Variants in MAPK8IP3 observed in about 807,000 individuals in gnomAD.
MAPK8IP3 encodes the protein mitogen-activated protein kinase 8 interacting protein 3.
Under a neutral mutation model 157.8 loss-of-function variants are expected in MAPK8IP3, and 49 were observed. That is an observed-to-expected ratio of 0.31 (90% CI 0.25 to 0.39). The LOEUF is 0.39. Ranked by LOEUF, MAPK8IP3 falls within the 10% of genes least tolerant of loss-of-function variation. The pLI, the probability that MAPK8IP3 is intolerant of heterozygous loss-of-function variation, is 1.00. For synonymous variants in MAPK8IP3, 897 were observed against 777.7 expected (o/e 1.15, Z -2.55); for missense variants, 1,478 against 1,889.4 (o/e 0.78, Z 4.04).
At position 1,748,289 on chromosome 16, in the gene MAPK8IP3, A is replaced by G; in HGVS notation, c.1040A>G (p.Asp347Gly). 6.2e-7 allele frequency: 1 copy of G among 1,613,604 alleles called. No homozygotes were observed. The highest frequency in any genetic ancestry group is 8.5e-7 in the Non-Finnish European group (1 of 1,179,906). Reference sequence around the variant, plus strand: ...TGGTCTGATGTTCAAGACATTATTGACTCCACGCCAGAGCTGGACATGTGT... The same window carrying G: ...TGGTCTGATGTTCAAGACATTATTGGCTCCACGCCAGAGCTGGACATGTGT... ...DEWSDVQDII[D>G]STPELDMCPE... The change falls in exon 7 of 32, where the codon GAC becomes GGC. Residue 347 changes from aspartate to glycine, a missense_variant. Coordinates refer to ENST00000610761, the MANE Select transcript of MAPK8IP3 (RefSeq NM_001318852.2).
Position 1,747,400 on chromosome 16 carries a change from GA to G in MAPK8IP3, c.994+126del, listed in dbSNP as rs2041030778. The G allele has an allele frequency of 2.2e-6, 3 of 1,375,828 alleles. No individual in the cohort carries two copies. In the East Asian group the frequency reaches 7.5e-5, roughly 34 times the overall value. 85.2% of individuals were successfully genotyped at this position (1,375,828 alleles called of 1,614,324 possible). ...GCAGAGACGTGTTCCTCACAGCCCGGAGGCTGGGGTCCAAGATCAAGGCGCT... is the reference window on the plus strand; with the variant it reads ...GCAGAGACGTGTTCCTCACAGCCCGGGGCTGGGGTCCAAGATCAAGGCGCT... On this transcript the variant is annotated intron_variant, in intron 6 of 31. Coordinates refer to ENST00000610761, the MANE Select transcript of MAPK8IP3 (RefSeq NM_001318852.2).
chr16:1,743,559 G>T lies in MAPK8IP3; in HGVS notation c.747+83G>T. Reference sequence around the variant, plus strand: ...CACTGGGGCGGGAGCCTCGTCTGCAGGCAGCCCTTCACGGCTCTCTGGGCC... The same window carrying T: ...CACTGGGGCGGGAGCCTCGTCTGCATGCAGCCCTTCACGGCTCTCTGGGCC... On this transcript the variant is annotated intron_variant, in intron 5 of 31. Coordinates refer to ENST00000610761, the MANE Select transcript of MAPK8IP3 (RefSeq NM_001318852.2). This position sits in a 1 kb window ranked among gnomAD's most constrained non-coding sequence, Gnocchi z 5.6. The T allele has an allele frequency of 6.5e-7, 1 of 1,538,574 alleles. No homozygotes were observed. The highest frequency in any genetic ancestry group is 1.2e-5 in the South Asian group (1 of 83,248).
chr16:1,747,206 G>T lies in MAPK8IP3; in HGVS notation c.925G>T (p.Ala309Ser), dbSNP rs2041018735. ...CGTGGGCTCCAAGAACAGCAAGCGT[G>T]CCCGGGAGAAGCGCGACAGCCGCAA... ...YGVGSKNSKRAREKRDSRNME... is the reference protein window; with the variant it reads ...YGVGSKNSKRSREKRDSRNME... The change falls in exon 6 of 32, where the codon GCC becomes TCC. Residue 309 changes from alanine to serine, a missense_variant. This residue lies in a region of MAPK8IP3 where 315 missense variants were observed against 394.4 expected (regional missense o/e 0.80). Transcript: ENST00000610761. The T allele has an allele frequency of 6.2e-7, 1 of 1,613,792 alleles. No individual in the cohort carries two copies. The highest frequency in any genetic ancestry group is 1.1e-5 in the South Asian group (1 of 91,090).
intron 4 of MAPK8IP3, among the ~76,000 whole-genome samples, chr16:1,737,681 C>T (rs1461421108): frequency 5.0e-5 from 3 of 59,934 alleles, no homozygotes; most frequent in African/African-American, 1.4e-4. Context: ...AGCGTGTGAC[C>T]GTCCGTGTGT....
chr16:1,712,051 C>CTTTTGTTTT (rs2037817100), intron 1 of MAPK8IP3, among the ~76,000 whole-genome samples: 1 of 62,634 alleles, frequency 1.6e-5, no homozygotes, highest in African/African-American at 6.7e-5. Context: ...CTCAGGAGTT[C>CTTTTGTTTT]TTTTTTTTTT....
At chr16:1,708,597 G>C (rs2142257909) in intron 1 of MAPK8IP3, among the ~76,000 whole-genome samples, 1 of 152,316 alleles carries the variant, frequency 6.6e-6, no homozygotes, top group South Asian at 2.1e-4. Context: ...AAGCTGCTGT[G>C]AGTGCATCTG....
At position 1,743,661 on chromosome 16, in the gene MAPK8IP3, C is replaced by T. The variant is rs1370026611; in HGVS notation, c.747+185C>T. Reference sequence around the variant, plus strand: ...TCAGGGGCTCAGGCTGCCCAGCAGGCCCTGTGTGGCTGTGGCTGTTCCACG... The same window carrying T: ...TCAGGGGCTCAGGCTGCCCAGCAGGTCCTGTGTGGCTGTGGCTGTTCCACG... On this transcript the variant is annotated intron_variant, in intron 5 of 31. Transcript: ENST00000610761. The surrounding 1 kb of genome is among the most constrained non-coding windows in gnomAD (Gnocchi z 5.6). The T allele has an allele frequency of 3.9e-5, 55 of 1,425,626 alleles. No homozygotes were observed. The highest frequency in any genetic ancestry group is 4.8e-5 in the Non-Finnish European group (53 of 1,098,344). 88.3% of individuals were successfully genotyped at this position (1,425,626 alleles called of 1,614,324 possible). A position where few individuals can be genotyped will look rare whatever the true frequency, so the allele number is the denominator to read the frequency against.
intron 8 of MAPK8IP3, among the ~76,000 whole-genome samples, chr16:1,757,884 C>T (rs1258299359): frequency 1.3e-5 from 2 of 152,210 alleles, no homozygotes; most frequent in East Asian, 1.9e-4. Flanking sequence ...GAGCAGAGGG[C>T]AGCAGGCTTC....
chr16:1,750,436 CT>C (rs963630288), intron 8 of MAPK8IP3, among the ~76,000 whole-genome samples: 1 of 152,104 alleles, frequency 6.6e-6, no homozygotes, highest in Non-Finnish European at 1.5e-5. Context: ...TGGTCTTGAA[CT>C]CCTGACCTCC....
intron 8 of MAPK8IP3, among the ~76,000 whole-genome samples, chr16:1,753,290 G>A (rs778573838): frequency 6.6e-6 from 1 of 152,056 alleles, no homozygotes; most frequent in Non-Finnish European, 1.5e-5. Flanking sequence ...TTGTTCGTTC[G>A]TTTGTTTCCT....
chr16:1,760,040 G>T (rs2041844578), intron 11 of MAPK8IP3, 25 bp downstream of exon 11: 1 of 1,613,764 alleles, frequency 6.2e-7, no homozygotes, highest in African/African-American at 1.3e-5. Flanking sequence ...CTCCTGTGTG[G>T]TGGGGCTGAG....
At chr16:1,744,968 G>A (rs534572837) in intron 5 of MAPK8IP3, 6 of 984,740 alleles carry the variant, frequency 6.1e-6, no homozygotes, top group Non-Finnish European at 6.0e-6. Flanking sequence ...TTTATGTACT[G>A]TATTTTCAGT....
At chr16:1,711,077 C>T (rs2037738940) in intron 1 of MAPK8IP3, among the ~76,000 whole-genome samples, 1 of 152,260 alleles carries the variant, frequency 6.6e-6, no homozygotes, top group African/African-American at 2.4e-5. Context: ...GGGCCGAGAG[C>T]TGAGAGAAGT....
chr16:1,768,944 T>C lies in MAPK8IP3; in HGVS notation c.*120T>C. ...CTCTTCTAACCTCTCAACCTGCAGC[T>C]TTCACCTGAGTCTGGCCCCTCCAGC... On this transcript the variant is annotated 3_prime_UTR_variant, in exon 32 of 32. Coordinates refer to ENST00000610761, the MANE Select transcript of MAPK8IP3 (RefSeq NM_001318852.2). 1 of 1,182,372 alleles carries C rather than the reference T, an allele frequency of 8.5e-7. No homozygotes were observed. The allele number at this position is 1,182,372 out of a possible 1,614,324, so 73.2% of individuals were successfully genotyped here.
intron 1 of MAPK8IP3, among the ~76,000 whole-genome samples, chr16:1,723,665 T>C (rs924939398): frequency 4.6e-5 from 7 of 152,130 alleles, no homozygotes; most frequent in African/African-American, 1.4e-4. Flanking sequence ...TTGATATTTA[T>C]ACTTCTTCCA....
chr16:1,737,476 G>C (rs530927105), intron 4 of MAPK8IP3, among the ~76,000 whole-genome samples: 1 of 94,938 alleles, frequency 1.1e-5, no homozygotes, highest in Non-Finnish European at 2.1e-5. Context: ...GTGAGCATCT[G>C]TGTGACCGTC....
At chr16:1,739,286 ATGTGAGCC>A (rs2040424008) in intron 4 of MAPK8IP3, among the ~76,000 whole-genome samples, 1 of 67,286 alleles carries the variant, frequency 1.5e-5, no homozygotes, top group African/African-American at 6.0e-5. Context: ...GTGAGCATCC[ATGTGAGCC>A]TGTGACCGTC....
rs1555449219 is a variant in MAPK8IP3 at position 1,737,775 on chromosome 16, A to AAT, written c.603-5557_603-5556insAT. ...ATCCGTGTGTGTGACCATCCGTGTG[A>AAT]GTGACCATCCATGTGAGCATCCATG... On this transcript the variant is annotated intron_variant, in intron 4 of 31. Transcript: ENST00000610761. Among the ~76,000 whole-genome samples the AAT allele has an allele frequency of 7.9e-3, 289 of 36,628 alleles. 91 individuals are homozygous for AAT. The highest frequency in any genetic ancestry group is 9.6e-3 in the Non-Finnish European group (219 of 22,706). The allele number at this position is 36,628 out of a possible 152,430, so 24.0% of individuals were successfully genotyped here.
In MAPK8IP3 at chr16:1,706,660, G is replaced by A. The variant is rs1724087128; in HGVS notation, c.318+3G>A. 2 of 1,533,222 alleles carry A rather than the reference G, an allele frequency of 1.3e-6. No individual in the cohort carries two copies. Among genetic ancestry groups the A allele is most frequent in the Non-Finnish European group, 8.8e-7 (1 of 1,140,164 alleles). 95.0% of individuals were successfully genotyped at this position (1,533,222 alleles called of 1,614,324 possible). A position where few individuals can be genotyped will look rare whatever the true frequency, so the allele number is the denominator to read the frequency against. On this transcript the variant is annotated splice_donor_region_variant and intron_variant, in intron 1 of 31. Coordinates refer to ENST00000610761, the MANE Select transcript of MAPK8IP3 (RefSeq NM_001318852.2). This position sits in a 1 kb window ranked among gnomAD's most constrained non-coding sequence, Gnocchi z 5.1. ...CGCTGCGCAGGCAGGCGGAGGAGGT[G>A]CGTGGGCCGCGGGACCCGCCCGCAT...
Sources: allele counts gnomAD v4.1 joint callset (sites outside exome capture counted in the v4.1 genomes callset), GRCh38; gene constraint gnomAD v4.1.1; regional missense constraint gnomAD v4.1.1; non-coding constraint Gnocchi (gnomAD v3.1); transcripts MANE v1.5; gene names NCBI Gene and HGNC (gene_info 2026-07-23, HGNC 2026-07-21).